The following STAP2 variants were observed in gnomAD, a reference collection of about 807,000 sequenced individuals.
STAP2 encodes signal-transducing adaptor protein 2.
STAP2 carries 58 observed loss-of-function variants against 52.7 expected under a neutral mutation model. The observed-to-expected ratio is 1.10, with a 90% confidence interval of 0.89 to 1.37. The LOEUF (loss-of-function observed/expected upper bound fraction) is 1.37, where lower values mean the gene tolerates loss of function less well. Among genes scored for constraint, STAP2 ranks in the 40% most tolerant of loss-of-function variants. STAP2 has a pLI of 0.00. For synonymous variants in STAP2, 231 were observed against 210.5 expected (o/e 1.10, Z -0.84); for missense variants, 522 against 519.4 (o/e 1.00, Z -0.05).
intron 6 of STAP2, among the ~76,000 whole-genome samples, 193 bp downstream of exon 6, chr19:4,328,482 T>C (rs868227412): frequency 4.5e-5 from 2 of 44,640 alleles, no homozygotes; most frequent in East Asian, 1.2e-3. Flanking sequence ...TCCGCCCACC[T>C]CAGCTCTGAC....
chr19:4,326,828 C>A, intron 9 of STAP2, 114 bp downstream of exon 9: 2 of 1,357,402 alleles, frequency 1.5e-6, no homozygotes, highest in Non-Finnish European at 2.0e-6. Context: ...TCTGTCCCTG[C>A]AACTTTGGGA....
At chr19:4,332,394 T>G (rs1206685391) in intron 3 of STAP2, among the ~76,000 whole-genome samples, 6 of 150,558 alleles carry the variant, frequency 4.0e-5, no homozygotes, top group African/African-American at 1.5e-4. Context: ...CTCTTAGACA[T>G]GAGGGTCTCG....
At chr19:4,329,893 C>G (rs994649040) in intron 5 of STAP2, 68 bp downstream of exon 5, 111 of 1,375,532 alleles carry the variant, frequency 8.1e-5, no homozygotes, top group Non-Finnish European at 1.1e-4. Context: ...AACTCACCGC[C>G]CACCCTCAGC....
In STAP2 at chr19:4,327,020, GGGCGGCCTGGAGGAAGCGC is replaced by G; in HGVS notation, c.764-32_764-14del. 1 of 1,573,954 alleles carries G rather than the reference GGGCGGCCTGGAGGAAGCGC, an allele frequency of 6.4e-7. No individual in the cohort carries two copies. The highest frequency in any genetic ancestry group is 8.6e-7 in the Non-Finnish European group (1 of 1,158,494). On this transcript the variant is annotated splice_polypyrimidine_tract_variant and intron_variant, in intron 8 of 12. Transcript: ENST00000594605. ...GCTTCCACGTAGCCTGGAACAGAGA[GGGCGGCCTGGAGGAAGCGC>G]GGCGGCCAGGGGCGGCCCGGTCCGT...
intron 1 of STAP2, among the ~76,000 whole-genome samples, chr19:4,335,745 C>T (rs551924018): frequency 1.3e-5 from 2 of 152,114 alleles, no homozygotes; most frequent in African/African-American, 4.8e-5. Context: ...TCTGTTTCCC[C>T]AGCTGTAAAA....
chr19:4,332,593 AG>A (rs1384723875), intron 3 of STAP2, among the ~76,000 whole-genome samples: 1 of 152,092 alleles, frequency 6.6e-6, no homozygotes, highest in East Asian at 1.9e-4. Context: ...CTGTAATCCC[AG>A]CACTTTGGGA....
intron 1 of STAP2, 81 bp downstream of exon 1, chr19:4,338,569 CGA>C: frequency 7.7e-6 from 3 of 389,904 alleles, no homozygotes; most frequent in Non-Finnish European, 1.4e-5. Flanking sequence ...CCCCCCTTGG[CGA>C]GTGGGGAGAC....
At position 4,328,721 on chromosome 19, in the gene STAP2, C is replaced by A. The variant is rs1416624959; in HGVS notation, c.544G>T (p.Asp182Tyr). ...CGNLLLRPSG[D>Y]GADGVSVTTR... ...GTGACCGACACGCCGTCGGCGCCGTCCCCGCTGGGCCGCAGCAGCAGGTTC... is the reference window on the plus strand; with the variant it reads ...GTGACCGACACGCCGTCGGCGCCGTACCCGCTGGGCCGCAGCAGCAGGTTC... The change falls in exon 6 of 13, where the codon GAC (aspartate) becomes TAC (tyrosine). Residue 182 changes from aspartate to tyrosine, a missense_variant. Physicochemically the swap from Asp to Tyr is radical, Grantham distance 160. Transcript: ENST00000594605. The A allele has an allele frequency of 1.9e-6, 3 of 1,608,014 alleles. No individual in the cohort carries two copies. Among genetic ancestry groups the A allele is most frequent in the African/African-American group, 1.3e-5 (1 of 74,800 alleles).
At chr19:4,336,075 C>A (rs888134321) in intron 1 of STAP2, among the ~76,000 whole-genome samples, 1 of 151,906 alleles carries the variant, frequency 6.6e-6, no homozygotes, top group Non-Finnish European at 1.5e-5. Flanking sequence ...TGCAGTGGTG[C>A]GATCTCGGCT....
intron 1 of STAP2, among the ~76,000 whole-genome samples, chr19:4,335,458 A>G (rs1055532737): frequency 6.7e-6 from 1 of 150,364 alleles, no homozygotes; most frequent in Non-Finnish European, 1.5e-5. Flanking sequence ...ACCCACTTGT[A>G]TATGCACTCA....
intron 4 of STAP2, among the ~76,000 whole-genome samples, chr19:4,330,578 C>G (rs1219172972): frequency 2.0e-5 from 3 of 151,224 alleles, no homozygotes; most frequent in African/African-American, 7.3e-5. Flanking sequence ...AATCTAGGGT[C>G]TCAAACTAAA....
At chr19:4,334,865 GCATCCC>G (rs1568388666) in intron 1 of STAP2, among the ~76,000 whole-genome samples, 13 of 6,720 alleles carry the variant, frequency 1.9e-3, no homozygotes, top group Non-Finnish European at 2.7e-3. Flanking sequence ...ATCTATCAAT[GCATCCC>G]TCCATCCATC....
rs774381142 is a variant in STAP2 at position 4,330,071 on chromosome 19, G to A, written c.355-10C>T. 190 of 1,610,720 alleles carry A rather than the reference G, an allele frequency of 1.2e-4. No individual in the cohort carries two copies. Among genetic ancestry groups the A allele is most frequent in the Admixed American group, 2.8e-4 (17 of 59,984 alleles). ...CGGTCGGGACACGGAGCTGAGGGGC[G>A]ATCGAGGGACAGTGACTGCACCTGG... is the stretch of plus-strand genomic sequence containing the variant. On this transcript the variant is annotated splice_polypyrimidine_tract_variant and intron_variant, in intron 4 of 12. Transcript: ENST00000594605.
intron 3 of STAP2, 118 bp from the exon 4 acceptor site, chr19:4,332,196 C>CTTTTTTTTTTTTTTTTTTTTT (rs58828365): frequency 9.1e-6 from 2 of 218,764 alleles, no homozygotes; most frequent in Non-Finnish European, 1.5e-5. Flanking sequence ...TCTTTTTCTT[C>CTTTTTTTTTTTTTTTTTTTTT]TTTTTTTTTT....
chr19:4,333,166 G>C (rs563444011), intron 3 of STAP2, among the ~76,000 whole-genome samples: 1 of 151,684 alleles, frequency 6.6e-6, no homozygotes, highest in Non-Finnish European at 1.5e-5. Context: ...CTCCAGCCTG[G>C]GTGATAAGAG....
In STAP2 at chr19:4,330,711, ATTTTTTT is replaced by A. The variant is rs1210010568; in HGVS notation, c.355-657_355-651del. 8.3e-4 allele frequency among the ~76,000 whole-genome samples: 97 copies of A among 117,190 alleles called. 1 individual carries two copies. Among genetic ancestry groups the A allele is most frequent in the African/African-American group, 2.9e-3 (86 of 29,914 alleles). The allele number at this position is 117,190 out of a possible 152,430, so 76.9% of individuals were successfully genotyped here. The stretch of plus-strand genomic sequence containing the variant: ...CCCGGTTGATAAATGATGTCAGCTA[ATTTTTTT>A]TTTTTTTTTTTTTTTGAGATGGAGT... On this transcript the variant is annotated intron_variant, in intron 4 of 12. Transcript: ENST00000594605.
At position 4,331,800 on chromosome 19, in the gene STAP2, C is replaced by T. The variant is rs527312983; in HGVS notation, c.354+222G>A. Among the ~76,000 whole-genome samples, 12 of 152,006 alleles carry T rather than the reference C, an allele frequency of 7.9e-5. No individual in the cohort carries two copies. In the East Asian group the frequency reaches 1.6e-3, roughly 20 times the overall value. ...CAAAAAAATTAGCCGGGCGTGGTGG[C>T]GGGCTTCTGTAATCCCAGCTACTCC... is the stretch of plus-strand genomic sequence containing the variant. On this transcript the variant is annotated intron_variant, in intron 4 of 12. Transcript: ENST00000594605.
At position 4,329,998 on chromosome 19, in the gene STAP2, C is replaced by A; in HGVS notation, c.418G>T (p.Ala140Ser). 1 of 1,613,694 alleles carries A rather than the reference C, an allele frequency of 6.2e-7. No individual in the cohort carries two copies. Among genetic ancestry groups the A allele is most frequent in the Non-Finnish European group, 8.5e-7 (1 of 1,180,000 alleles). The change falls in exon 5 of 13, where the codon GCC becomes TCC. Residue 140 changes from alanine to serine, a missense_variant. Physicochemically the swap from Ala to Ser is moderately conservative, Grantham distance 99. Coordinates refer to ENST00000594605, the MANE Select transcript of STAP2 (RefSeq NM_001013841.2). Reference protein sequence around the residue: ...GHLYMMSEVLAKEEARRALET... With the variant: ...GHLYMMSEVLSKEEARRALET... ...AGTGCACGGCGCGCCTCCTCTTTGG[C>A]CAAGACTTCAGACATCATGTATAGG...
intron 3 of STAP2, 92 bp from the exon 4 acceptor site, chr19:4,332,170 G>A: frequency 2.1e-6 from 2 of 937,142 alleles, no homozygotes; most frequent in Non-Finnish European, 3.1e-6. Flanking sequence ...CTGCTTCAAA[G>A]GGCCGTTTTC....
Sources: gnomAD v4.1 joint callset for allele counts (sites outside exome capture counted in the v4.1 genomes callset) on GRCh38, gnomAD v4.1.1 for gene constraint, MANE v1.5 for transcripts, NCBI Gene and HGNC (gene_info 2026-07-23, HGNC 2026-07-21) for gene names.